APC: variants seen among roughly 807,000 people sequenced by gnomAD.
APC encodes adenomatous polyposis coli protein.
Under a neutral mutation model 247.0 loss-of-function variants are expected in APC, and 72 were observed. That is an observed-to-expected ratio of 0.29 (90% confidence interval 0.24 to 0.35). The LOEUF (loss-of-function observed/expected upper bound fraction) is 0.35. Among genes scored for constraint, APC ranks in the 10% least tolerant of loss-of-function variants. APC has a pLI of 1.00. For missense variants in APC, 3,400 were observed against 3,360.7 expected (o/e 1.01, Z -0.29); for synonymous variants, 1,254 against 1,162.5 (o/e 1.08, Z -1.60).
At chr5:112,732,039 G>A (rs916452764) in intron 1 of APC, among the ~76,000 whole-genome samples, 2 of 152,336 alleles carry the variant, frequency 1.3e-5, no homozygotes, top group Non-Finnish European at 2.9e-5. Flanking sequence ...TGGGGTTACA[G>A]GCATGAGCCA....
intron 4 of APC, among the ~76,000 whole-genome samples, chr5:112,773,228 C>T (rs1362836316): frequency 1.3e-5 from 2 of 152,118 alleles, no homozygotes; most frequent in Non-Finnish European, 1.5e-5. Flanking sequence ...AAGAACAGAA[C>T]CTTCCACATA....
chr5:112,820,066 G>A (rs895078611), intron 10 of APC, among the ~76,000 whole-genome samples: 7 of 152,186 alleles, frequency 4.6e-5, no homozygotes, highest in South Asian at 2.1e-4. Context: ...CCCCACTCCC[G>A]CAGGAGCAGC....
At position 112,801,283 on chromosome 5, in the gene APC, C is replaced by A. The variant is rs1554076133; in HGVS notation, c.734C>A (p.Ser245Ter). The change falls in exon 8 of 16, where the codon TCA becomes TAA. Residue 245 changes from serine to a stop codon, truncating the protein, a stop_gained. Transcript: ENST00000257430. LOFTEE classifies it high-confidence loss of function. ...ATGTTAACTCCATCTTAACAGAGGT[C>A]ATCTCAGAACAAGCATGAAACCGGC... is the stretch of plus-strand genomic sequence containing the variant. ...LQSQATEAER[S>*]SQNKHETGSH... 2 of 1,612,054 alleles carry A rather than the reference C, an allele frequency of 1.2e-6. No individual in the cohort carries two copies. The highest frequency in any genetic ancestry group is 1.1e-5 in the South Asian group (1 of 90,910).
At chr5:112,734,068 C>A (rs1752236514), upstream of APC, among the ~76,000 whole-genome samples, 1 of 152,190 alleles carries the variant, frequency 6.6e-6, no homozygotes, top group South Asian at 2.1e-4. Flanking sequence ...CTGCTCACGT[C>A]TGTAATCACA....
At chr5:112,720,155 G>A (rs1751404445) in intron 1 of APC, among the ~76,000 whole-genome samples, 1 of 152,120 alleles carries the variant, frequency 6.6e-6, no homozygotes, top group Admixed American at 6.5e-5. Context: ...TATTTTTCCT[G>A]TATAGATACT....
At chr5:112,755,572 A>C (rs1474039129) in intron 2 of APC, among the ~76,000 whole-genome samples, 1 of 152,186 alleles carries the variant, frequency 6.6e-6, no homozygotes, top group Non-Finnish European at 1.5e-5. Context: ...CTTATTTGGC[A>C]AGTACAGGCA....
intron 2 of APC, among the ~76,000 whole-genome samples, chr5:112,764,691 C>G (rs1756069677): frequency 6.6e-6 from 1 of 152,106 alleles, no homozygotes; most frequent in Non-Finnish European, 1.5e-5. Flanking sequence ...AAATTAACTG[C>G]TCAAGGGTAG....
chr5:112,757,344 A>C (rs959185230), intron 2 of APC, among the ~76,000 whole-genome samples: 3 of 152,160 alleles, frequency 2.0e-5, no homozygotes, highest in Admixed American at 2.0e-4. Context: ...TAATCCACAC[A>C]ATGGTTATTT....
At chr5:112,790,251 G>A (rs1759422614) in intron 6 of APC, among the ~76,000 whole-genome samples, 1 of 152,012 alleles carries the variant, frequency 6.6e-6, no homozygotes, top group Non-Finnish European at 1.5e-5. Flanking sequence ...AAAAGAGGGA[G>A]AAAATTAAGA....
At chr5:112,819,972 A>G (rs2149786501) in intron 10 of APC, among the ~76,000 whole-genome samples, 1 of 152,234 alleles carries the variant, frequency 6.6e-6, no homozygotes, top group African/African-American at 2.4e-5. Context: ...CTACTGTACC[A>G]TCCAGCTGTA....
chr5:112,806,371 A>G (rs1377663855), intron 8 of APC, among the ~76,000 whole-genome samples: 2 of 152,200 alleles, frequency 1.3e-5, no homozygotes, highest in East Asian at 3.8e-4. Context: ...GATAAATAGT[A>G]GATAACAATA....
intron 9 of APC, among the ~76,000 whole-genome samples, chr5:112,818,495 T>C (rs375103378): frequency 3.9e-5 from 6 of 152,346 alleles, no homozygotes; most frequent in African/African-American, 1.4e-4. Context: ...TGAGAATTAG[T>C]ACTTAAAATT....
In APC at chr5:112,708,316, T is replaced by C. The variant is rs141935736; in HGVS notation, c.165+434T>C. Among the ~76,000 whole-genome samples the C allele has an allele frequency of 5.2e-3, 792 of 152,302 alleles. 5 individuals carry two copies. Among genetic ancestry groups the C allele is most frequent in the Non-Finnish European group, 5.6e-3 (378 of 68,034 alleles). ...TGGAGTTACAAAGAAAGGGCTGTTATCCAAAGGCCGGTGAATTTTGTTCAC... is the reference window on the plus strand; with the variant it reads ...TGGAGTTACAAAGAAAGGGCTGTTACCCAAAGGCCGGTGAATTTTGTTCAC... On this transcript the variant is annotated intron_variant, in intron 1 of 13. Coordinates refer to the APC transcript ENST00000507379.
rs10073398 is a variant in APC at position 112,758,707 on chromosome 5, G to A, written c.135+3682G>A. Among the ~76,000 whole-genome samples, 80,770 of 151,572 alleles carry A rather than the reference G, an allele frequency of 0.53. 22,073 individuals carry two copies. The highest frequency in any genetic ancestry group is 0.79 in the East Asian group (4,059 of 5,140). ...AGTGGCACAATTTTGGCTCACTGCAGCCTCCACCTCCTGGGCTCCCAGAGT... is the reference window on the plus strand; with the variant it reads ...AGTGGCACAATTTTGGCTCACTGCAACCTCCACCTCCTGGGCTCCCAGAGT... On this transcript the variant is annotated intron_variant, in intron 2 of 15. Coordinates refer to ENST00000257430, the MANE Select transcript of APC (RefSeq NM_000038.6).
intron 1 of APC, among the ~76,000 whole-genome samples, chr5:112,725,383 A>AGTCACT (rs1275182229): frequency 1.3e-5 from 2 of 152,296 alleles, no homozygotes; most frequent in Admixed American, 1.3e-4. Flanking sequence ...CCCCAGAGGA[A>AGTCACT]GTCACTGTTG....
chr5:112,837,198 C>G (rs1382481845), intron 15 of APC, among the ~76,000 whole-genome samples: 1 of 152,098 alleles, frequency 6.6e-6, no homozygotes, highest in Non-Finnish European at 1.5e-5. Context: ...ATTAAATTAC[C>G]ACAAAGTTCC....
rs776886963 is a variant in APC, at chr5:112,828,907, A to C, written c.1678A>C (p.Lys560Gln). 6.2e-7 allele frequency: 1 copy of C among 1,613,944 alleles called. No individual in the cohort carries two copies. Among genetic ancestry groups the C allele is most frequent in the Admixed American group, 1.7e-5 (1 of 60,014 alleles). The change falls in exon 14 of 16, where the codon AAA (lysine) becomes CAA (glutamine). Residue 560 changes from lysine to glutamine, a missense_variant. By Grantham distance (53) the Lys-to-Gln change is moderately conservative (BLOSUM62 1). Coordinates refer to ENST00000257430, the MANE Select transcript of APC (RefSeq NM_000038.6). ...NLSWRADVNS[K>Q]KTLREVGSVK... Reference sequence around the variant, plus strand: ...GTCTTGGCGAGCAGATGTAAATAGTAAAAAGACGTTGCGAGAAGTTGGAAG... The same window carrying C: ...GTCTTGGCGAGCAGATGTAAATAGTCAAAAGACGTTGCGAGAAGTTGGAAG...
chr5:112,785,191 T>C (rs1403085408), intron 6 of APC, among the ~76,000 whole-genome samples: 2 of 152,188 alleles, frequency 1.3e-5, no homozygotes, highest in Admixed American at 1.3e-4. Context: ...AAAAACAAAA[T>C]AAGTGTTATG....
intron 1 of APC, among the ~76,000 whole-genome samples, chr5:112,709,829 C>T (rs1011363495): frequency 2.0e-5 from 3 of 152,088 alleles, no homozygotes; most frequent in Non-Finnish European, 4.4e-5. Context: ...TGTTGGAGCC[C>T]GGGATGTGGA....
Sources: allele counts gnomAD v4.1 joint callset (sites outside exome capture counted in the v4.1 genomes callset), GRCh38; gene constraint gnomAD v4.1.1; transcripts MANE v1.5; gene names NCBI Gene and HGNC (gene_info 2026-07-23, HGNC 2026-07-21).